Variants in TXNDC9 observed in about 807,000 individuals in gnomAD.
TXNDC9 encodes thioredoxin domain-containing protein 9.
TXNDC9 carries 7 observed loss-of-function variants against 23.0 expected under a neutral mutation model. The observed-to-expected ratio is 0.30, with a 90% CI of 0.17 to 0.57. The LOEUF (loss-of-function observed/expected upper bound fraction) is 0.57. TXNDC9 is among the 20% of genes least tolerant of loss of function. The pLI is 0.90. For missense variants in TXNDC9, 198 were observed against 252.6 expected (o/e 0.78, Z 1.47); for synonymous variants, 72 against 90.6 (o/e 0.79, Z 1.17).
downstream of TXNDC9, among the ~76,000 whole-genome samples, chr2:99,316,476 T>C (rs1049400000): frequency 1.4e-4 from 22 of 152,240 alleles, no homozygotes; most frequent in African/African-American, 5.3e-4. Context: ...GCCAATGGGT[T>C]TTCTTATACA....
At chr2:99,316,496 GT>G (rs998643265), downstream of TXNDC9, among the ~76,000 whole-genome samples, 2 of 151,018 alleles carry the variant, frequency 1.3e-5, no homozygotes, top group Non-Finnish European at 3.0e-5. Flanking sequence ...ACAATGAGTA[GT>G]TTTTTTTTCT....
chr2:99,327,520 T>C lies in TXNDC9; in HGVS notation c.308+15A>G. On this transcript the variant is annotated intron_variant, in intron 3 of 4. Transcript: ENST00000264255. ...GTGTTTTTTTAGAAAAAGTCACAGA[T>C]GGAAACAAAGTTACCTGAATGTGGA... The C allele has an allele frequency of 6.4e-7, 1 of 1,563,144 alleles. No individual in the cohort carries two copies. Among genetic ancestry groups the C allele is most frequent in the Non-Finnish European group, 8.8e-7 (1 of 1,135,760 alleles).
chr2:99,327,770 G>C, intron 2 of TXNDC9, 117 bp from the exon 3 acceptor site: 1 of 474,376 alleles, frequency 2.1e-6, no homozygotes, highest in Non-Finnish European at 3.6e-6. Context: ...AAAAAAAAAA[G>C]TTTTTTTTTT....
At chr2:99,311,165 A>G in the TXNDC9 span, among the ~76,000 whole-genome samples, 1 of 152,126 alleles carries the variant, frequency 6.6e-6, no homozygotes, top group Non-Finnish European at 1.5e-5. Flanking sequence ...AGCTGGGACT[A>G]CAGGTGTGTG....
At chr2:99,315,347 G>A (rs921067217), downstream of TXNDC9, among the ~76,000 whole-genome samples, 5 of 152,066 alleles carry the variant, frequency 3.3e-5, no homozygotes, top group Non-Finnish European at 5.9e-5. Flanking sequence ...TTACAGGCAT[G>A]AGCCACCGCG....
At chr2:99,324,707 A>G (rs2094209580) in intron 3 of TXNDC9, among the ~76,000 whole-genome samples, 1 of 151,494 alleles carries the variant, frequency 6.6e-6, no homozygotes. Context: ...CTAAGAAGCT[A>G]GGATTACAGG....
intron 2 of TXNDC9, among the ~76,000 whole-genome samples, chr2:99,328,575 A>T (rs2094218132): frequency 6.6e-6 from 1 of 152,220 alleles, no homozygotes; most frequent in Non-Finnish European, 1.5e-5. Context: ...ATAAAAATTT[A>T]GACTTGAGAG....
the TXNDC9 span, among the ~76,000 whole-genome samples, chr2:99,307,148 T>C: frequency 7.3e-6 from 1 of 137,110 alleles, no homozygotes; most frequent in South Asian, 2.8e-4. Context: ...CTTCCTTGTT[T>C]TCTTACCTAA....
At chr2:99,327,854 G>A (rs1489782647) in intron 2 of TXNDC9, among the ~76,000 whole-genome samples, 1 of 146,932 alleles carries the variant, frequency 6.8e-6, no homozygotes, top group African/African-American at 2.5e-5. Context: ...GCGCGATCTT[G>A]GCTCACTGCA....
chr2:99,329,079 C>G lies in TXNDC9; in HGVS notation c.190-1426G>C, dbSNP rs982480066. Reference sequence around the variant, plus strand: ...CAGCTCTGAAGCTCAAGAGCCCTGTCTGCTTTTGATAACCACTTTATAAAT... The same window carrying G: ...CAGCTCTGAAGCTCAAGAGCCCTGTGTGCTTTTGATAACCACTTTATAAAT... On this transcript the variant is annotated intron_variant, in intron 2 of 4. Coordinates refer to ENST00000264255, the MANE Select transcript of TXNDC9 (RefSeq NM_005783.4). Among the ~76,000 whole-genome samples, 3 of 152,220 alleles carry G rather than the reference C, an allele frequency of 2.0e-5. No homozygotes were observed. In the South Asian group the frequency reaches 6.2e-4, roughly 32 times the overall value.
At chr2:99,323,032 A>T (rs1487624530) in intron 3 of TXNDC9, among the ~76,000 whole-genome samples, 3 of 151,984 alleles carry the variant, frequency 2.0e-5, no homozygotes, top group Non-Finnish European at 4.4e-5. Flanking sequence ...AAGTGCTAGG[A>T]TTACAAGCGT....
the TXNDC9 span, among the ~76,000 whole-genome samples, chr2:99,312,929 G>A: frequency 3.3e-5 from 5 of 152,166 alleles, no homozygotes; most frequent in Admixed American, 2.6e-4. Flanking sequence ...TTGGGAGGCC[G>A]AGGCAGGAGG....
chr2:99,336,057 A>C (rs1276663816), intron 1 of TXNDC9, among the ~76,000 whole-genome samples, 182 bp downstream of exon 1: 1 of 152,224 alleles, frequency 6.6e-6, no homozygotes, highest in Non-Finnish European at 1.5e-5. Context: ...GAAACAGAGG[A>C]AAGCACAGTC....
chr2:99,312,466 C>A, the TXNDC9 span, among the ~76,000 whole-genome samples: 1 of 144,762 alleles, frequency 6.9e-6, no homozygotes. Flanking sequence ...CACTGCACTA[C>A]AGCCTGGGCA....
At chr2:99,330,673 A>G (rs1039453569) in intron 2 of TXNDC9, among the ~76,000 whole-genome samples, 2 of 152,174 alleles carry the variant, frequency 1.3e-5, no homozygotes, top group Non-Finnish European at 2.9e-5. Flanking sequence ...TCTAGTTAAC[A>G]GTAGGAGGGT....
chr2:99,309,517 A>G, the TXNDC9 span, among the ~76,000 whole-genome samples: 439 of 152,190 alleles, frequency 2.9e-3, 2 homozygotes, highest in African/African-American at 9.9e-3. Context: ...TCAATTAAAA[A>G]AAAAGAAAAG....
At chr2:99,323,020 C>T (rs1006364748) in intron 3 of TXNDC9, among the ~76,000 whole-genome samples, 3 of 152,102 alleles carry the variant, frequency 2.0e-5, no homozygotes, top group Admixed American at 1.3e-4. Flanking sequence ...CTCGGCCTCC[C>T]GAAGTGCTAG....
At chr2:99,324,612 C>T (rs867193300) in intron 3 of TXNDC9, among the ~76,000 whole-genome samples, 4 of 151,972 alleles carry the variant, frequency 2.6e-5, no homozygotes, top group South Asian at 2.1e-4. Context: ...CTCGCTCTGT[C>T]GCCCAGGCTA....
At chr2:99,310,053 AG>A in the TXNDC9 span, among the ~76,000 whole-genome samples, 2 of 152,204 alleles carry the variant, frequency 1.3e-5, no homozygotes, top group Non-Finnish European at 2.9e-5. Context: ...CCTACTTCAC[AG>A]GGTTGTTGTG....
Sources: gnomAD v4.1 joint callset for allele counts (sites outside exome capture counted in the v4.1 genomes callset) on GRCh38, gnomAD v4.1.1 for gene constraint, MANE v1.5 for transcripts, NCBI Gene and HGNC (gene_info 2026-07-23, HGNC 2026-07-21) for gene names.